RFX3: variants seen among roughly 807,000 people sequenced by gnomAD.
RFX3 encodes the protein regulatory factor X3.
Under a neutral mutation model 98.6 loss-of-function variants are expected in RFX3, and 14 were observed. The ratio of observed to expected loss-of-function variants is 0.14; its 90% CI spans 0.09 to 0.22. The LOEUF is 0.22. RFX3 is among the 10% of genes least tolerant of loss of function. RFX3 has a pLI of 1.00. For synonymous variants in RFX3, 383 were observed against 328.4 expected (o/e 1.17, Z -1.80); for missense variants, 639 against 926.9 (o/e 0.69, Z 4.03).
At chr9:3,507,847 G>C (rs1817254822) in intron 1 of RFX3, among the ~76,000 whole-genome samples, 1 of 151,726 alleles carries the variant, frequency 6.6e-6, no homozygotes, top group African/African-American at 2.4e-5. Context: ...TCCTCAGCTG[G>C]TTGAATTCAC....
intron 15 of RFX3, 118 bp downstream of exon 15, chr9:3,247,914 C>T: frequency 1.2e-6 from 2 of 1,611,982 alleles, no homozygotes; most frequent in Middle Eastern, 3.3e-4. Flanking sequence ...TCCCTCCTGG[C>T]TCTGAGGCTG....
At chr9:3,365,216 C>G (rs1485217881) in intron 2 of RFX3, among the ~76,000 whole-genome samples, 3 of 150,308 alleles carry the variant, frequency 2.0e-5, no homozygotes, top group Non-Finnish European at 2.9e-5. Context: ...AGGGGAATCG[C>G]TTGAACCCAG....
intron 1 of RFX3, among the ~76,000 whole-genome samples, chr9:3,521,242 T>C (rs1206312282): frequency 6.6e-6 from 1 of 152,152 alleles, no homozygotes; most frequent in Admixed American, 6.5e-5. Context: ...CTACATAAGA[T>C]AATCAACATA....
At chr9:3,319,227 A>T (rs1830981833) in intron 4 of RFX3, among the ~76,000 whole-genome samples, 1 of 152,058 alleles carries the variant, frequency 6.6e-6, no homozygotes, top group Non-Finnish European at 1.5e-5. Flanking sequence ...CACTTGTTGG[A>T]AATGCAAGGG....
chr9:3,509,752 A>G (rs1022740520), intron 1 of RFX3, among the ~76,000 whole-genome samples: 2 of 152,044 alleles, frequency 1.3e-5, no homozygotes, highest in African/African-American at 2.4e-5. Context: ...AATTATAGAT[A>G]AACAGTTACT....
At chr9:3,475,749 ACAGGGAGACAGT>A (rs1849187989) in intron 1 of RFX3, among the ~76,000 whole-genome samples, 1 of 152,226 alleles carries the variant, frequency 6.6e-6, no homozygotes, top group African/African-American at 2.4e-5. Flanking sequence ...GCACAGCATC[ACAGGGAGACAGT>A]CAGGCCTCCA....
At chr9:3,344,980 T>C (rs1005101587) in intron 3 of RFX3, 31 of 608,042 alleles carry the variant, frequency 5.1e-5, no homozygotes, top group Non-Finnish European at 7.7e-5. Flanking sequence ...CTGACTTTAT[T>C]ATGTGCCAAT....
intron 2 of RFX3, among the ~76,000 whole-genome samples, chr9:3,374,912 C>T (rs142221999): frequency 4.4e-4 from 66 of 151,630 alleles, no homozygotes; most frequent in African/African-American, 1.6e-3. Context: ...CTTCTTCCAG[C>T]TCCACAGTCT....
chr9:3,395,631 T>A, intron 1 of RFX3, 35 bp from the exon 2 acceptor site: 1 of 1,606,334 alleles, frequency 6.2e-7, no homozygotes, highest in South Asian at 1.1e-5. Context: ...AAGTTTAAAA[T>A]GTCACTCCTG....
At chr9:3,456,744 A>C (rs1847185179) in intron 1 of RFX3, among the ~76,000 whole-genome samples, 2 of 152,102 alleles carry the variant, frequency 1.3e-5, no homozygotes, top group South Asian at 4.1e-4. Flanking sequence ...CTCCACCTAC[A>C]TGGGGAAAAA....
chr9:3,331,515 C>A (rs1832598018), intron 3 of RFX3, among the ~76,000 whole-genome samples: 1 of 152,098 alleles, frequency 6.6e-6, no homozygotes, highest in South Asian at 2.1e-4. Context: ...TTCAACGCCA[C>A]CTCCTAAAGC....
At chr9:3,278,130 A>C (rs1825471208) in intron 7 of RFX3, among the ~76,000 whole-genome samples, 1 of 151,958 alleles carries the variant, frequency 6.6e-6, no homozygotes, top group African/African-American at 2.4e-5. Flanking sequence ...TAGTCATACA[A>C]ACTTATGTAT....
intron 1 of RFX3, among the ~76,000 whole-genome samples, chr9:3,401,293 T>G (rs1476739971): frequency 1.3e-5 from 2 of 152,240 alleles, no homozygotes; most frequent in Non-Finnish European, 2.9e-5. Context: ...ACAGATCATT[T>G]AAGCCCACTG....
intron 1 of RFX3, among the ~76,000 whole-genome samples, chr9:3,498,523 C>G (rs1325301044): frequency 6.6e-6 from 1 of 151,994 alleles, no homozygotes; most frequent in African/African-American, 2.4e-5. Flanking sequence ...CTACAGTACA[C>G]TTTTAAGTTG....
chr9:3,247,929 G>A (rs1820899576), intron 15 of RFX3, 103 bp downstream of exon 15: 1 of 1,612,572 alleles, frequency 6.2e-7, no homozygotes, highest in South Asian at 1.1e-5. Flanking sequence ...AGGCTGACTT[G>A]GTTAGGAACC....
At chr9:3,310,465 G>C (rs916910911) in intron 4 of RFX3, among the ~76,000 whole-genome samples, 2 of 152,156 alleles carry the variant, frequency 1.3e-5, no homozygotes, top group Non-Finnish European at 2.9e-5. Context: ...TGTTAAAAGA[G>C]TAAAGGTCAA....
intron 5 of RFX3, among the ~76,000 whole-genome samples, chr9:3,299,949 G>C (rs2129999036): frequency 6.6e-6 from 1 of 150,468 alleles, no homozygotes; most frequent in East Asian, 1.9e-4. Context: ...ACCCTGAGTT[G>C]AATATGAAAG....
At chr9:3,386,836 T>C (rs181611097) in intron 2 of RFX3, among the ~76,000 whole-genome samples, 35 of 151,664 alleles carry the variant, frequency 2.3e-4, no homozygotes, top group South Asian at 1.0e-3. Context: ...ATCAGGAAAA[T>C]TGGCAGTCGG....
chr9:3,303,090 T>G (rs1300531383), intron 4 of RFX3, among the ~76,000 whole-genome samples: 1 of 151,834 alleles, frequency 6.6e-6, no homozygotes, highest in Non-Finnish European at 1.5e-5. Context: ...CATTCTCTTC[T>G]AAGAAACACA....
Sources: allele counts gnomAD v4.1 joint callset (sites outside exome capture counted in the v4.1 genomes callset), GRCh38; gene constraint gnomAD v4.1.1; transcripts MANE v1.5; gene names NCBI Gene and HGNC (gene_info 2026-07-23, HGNC 2026-07-21).